SGSM2: variants seen among roughly 807,000 people sequenced by gnomAD.
The protein encoded by SGSM2 is RUN and TBC1 domain containing 1.
In SGSM2, 89 loss-of-function variants were observed where a neutral mutation model predicts 126.6. That is an observed-to-expected ratio of 0.70 (90% CI 0.59 to 0.84). The LOEUF (loss-of-function observed/expected upper bound fraction) is 0.84, where lower values mean the gene tolerates loss of function less well. SGSM2 is among the 40% of genes least tolerant of loss of function. SGSM2 has a pLI of 0.00. For synonymous variants in SGSM2, 614 were observed against 574.3 expected (o/e 1.07, Z -0.99); for missense variants, 1,404 against 1,416.6 (o/e 0.99, Z 0.14).
In SGSM2 at chr17:2,376,736, C is replaced by T. The variant is rs140563173; in HGVS notation, c.2613C>T (p.Tyr871=). The T allele has an allele frequency of 3.5e-4, 568 of 1,613,986 alleles. 1 individual carries two copies. In the Middle Eastern group the frequency reaches 4.1e-3, roughly 12 times the overall value. ...TGACTCTCCCCCTGCCTTTCAGCTACGTGTGGGAGCACCTGGACGTGGGCT... is the reference window on the plus strand; with the variant it reads ...TGACTCTCCCCCTGCCTTTCAGCTATGTGTGGGAGCACCTGGACGTGGGCT... ...LERLRDVMCS[Y]VWEHLDVGYV... Residue 871 remains tyrosine (Y), a synonymous_variant, in exon 20 of 24, where the codon TAC becomes TAT. Coordinates refer to ENST00000268989, the MANE Select transcript of SGSM2 (RefSeq NM_014853.3).
intron 2 of SGSM2, among the ~76,000 whole-genome samples, chr17:2,344,921 G>A (rs1218942846): frequency 2.6e-5 from 4 of 152,176 alleles, no homozygotes; most frequent in African/African-American, 2.4e-5. Context: ...ATGTTCATTC[G>A]TTCGTAGCAT....
intron 12 of SGSM2, among the ~76,000 whole-genome samples, chr17:2,370,158 C>T (rs1429149391): frequency 6.6e-6 from 1 of 152,204 alleles, no homozygotes; most frequent in Non-Finnish European, 1.5e-5. Flanking sequence ...GCCGAGCAAA[C>T]TGCTGCTGAC....
chr17:2,373,510 C>A lies in SGSM2; in HGVS notation c.2097C>A (p.Asn699Lys). 1 of 1,600,888 alleles carries A rather than the reference C, an allele frequency of 6.2e-7. No individual in the cohort carries two copies. The highest frequency in any genetic ancestry group is 8.5e-7 in the Non-Finnish European group (1 of 1,177,722). The stretch of plus-strand genomic sequence containing the variant: ...TCCACCGAGACTCCACCATCAGCAA[C>A]GATGTGAGCCAGACGGGACCTGGAG... Reference protein sequence around the residue: ...RLIHRDSTISNDVFISVDDLE... With the variant: ...RLIHRDSTISKDVFISVDDLE... The change falls in exon 17 of 24, where the codon AAC becomes AAA. Residue 699 changes from asparagine (N) to lysine (K), a missense_variant. Coordinates refer to ENST00000268989, the MANE Select transcript of SGSM2 (RefSeq NM_014853.3).
intron 17 of SGSM2, 158 bp downstream of exon 17, chr17:2,373,671 A>G (rs2065992425): frequency 1.6e-6 from 1 of 642,086 alleles, no homozygotes; most frequent in Non-Finnish European, 2.7e-6. Context: ...GGAAATGGCT[A>G]ACTGTGCCTC....
At chr17:2,350,022 C>T (rs147823808) in intron 2 of SGSM2, among the ~76,000 whole-genome samples, 2,610 of 151,990 alleles carry the variant, frequency 0.017, 89 homozygotes, top group African/African-American at 0.059. Context: ...CTCCTGACCT[C>T]GTGATCCGCC....
intron 13 of SGSM2, 83 bp downstream of exon 13, chr17:2,371,498 C>T (rs112104570): frequency 2.7e-6 from 4 of 1,472,332 alleles, no homozygotes; most frequent in Non-Finnish European, 2.7e-6. Flanking sequence ...GGCCGTGTCA[C>T]CTGCACGACA....
chr17:2,376,280 C>G lies in SGSM2; in HGVS notation c.2609+19C>G, dbSNP rs752470494. 1.2e-6 allele frequency: 2 copies of G among 1,612,814 alleles called. No individual in the cohort carries two copies. The highest frequency in any genetic ancestry group is 8.5e-7 in the Non-Finnish European group (1 of 1,179,742). ...TGTGCAGGTGCCTTGTGGGGCGGGG[C>G]TCAGGGTGGGAGGCGGGACCCTGCC... On this transcript the variant is annotated intron_variant, in intron 19 of 23. Coordinates refer to ENST00000268989, the MANE Select transcript of SGSM2 (RefSeq NM_014853.3).
chr17:2,373,107 C>T (rs1459397905), intron 16 of SGSM2, 26 bp downstream of exon 16: 2 of 1,608,074 alleles, frequency 1.2e-6, no homozygotes, highest in Non-Finnish European at 1.7e-6. Context: ...TCCCATGGGG[C>T]TGATGAGATG....
chr17:2,364,366 G>A, intron 8 of SGSM2, 183 bp downstream of exon 8: 2 of 889,964 alleles, frequency 2.2e-6, no homozygotes, highest in Non-Finnish European at 3.4e-6. Flanking sequence ...GCCAAGCCTG[G>A]CCGTGAAGAG....
rs1428040232 is a variant in SGSM2, at chr17:2,376,816, G to A, written c.2692+1G>A. The A allele has an allele frequency of 4.3e-6, 7 of 1,614,024 alleles. No individual in the cohort carries two copies. The highest frequency in any genetic ancestry group is 1.1e-5 in the South Asian group (1 of 91,090). On this transcript the variant is annotated splice_donor_variant, in intron 20 of 23. Transcript: ENST00000268989. LOFTEE classifies it high-confidence loss of function. ...CCTCTCCTGGTCACCCTCGACAATG[G>A]TGAGGGATGGCGGGACATGGGACTG...
chr17:2,375,740 G>A lies in SGSM2; in HGVS notation c.2349G>A (p.Gly783=). The stretch of plus-strand genomic sequence containing the variant: ...GCTTCGAAGAGGAGGACGGCGGTGG[G>A]GAGGAAGGCTCCAGTGGGCCCGGCC... ...SVGFEEEDGG[G]EEGSSGPGPA... The change falls in exon 18 of 24, where the codon GGG becomes GGA. Residue 783 remains glycine, a synonymous_variant. Coordinates refer to ENST00000268989, the MANE Select transcript of SGSM2 (RefSeq NM_014853.3). The A allele has an allele frequency of 2.5e-6, 4 of 1,607,664 alleles. No individual in the cohort carries two copies. Among genetic ancestry groups the A allele is most frequent in the East Asian group, 4.5e-5 (2 of 44,726 alleles).
intron 2 of SGSM2, among the ~76,000 whole-genome samples, chr17:2,357,276 C>A (rs557413103): frequency 6.6e-6 from 1 of 152,188 alleles, no homozygotes; most frequent in Admixed American, 6.5e-5. Context: ...TTGAGCCTTG[C>A]TGTCAGCAGG....
At chr17:2,340,720 G>C (rs1210805951) in intron 1 of SGSM2, among the ~76,000 whole-genome samples, 3 of 151,960 alleles carry the variant, frequency 2.0e-5, no homozygotes, top group Non-Finnish European at 1.5e-5. Flanking sequence ...GAGTAGCTGG[G>C]ACTACAGGCG....
chr17:2,376,796 C>T lies in SGSM2; in HGVS notation c.2673C>T (p.Leu891=). 6.2e-7 allele frequency: 1 copy of T among 1,614,122 alleles called. No homozygotes were observed. Among genetic ancestry groups the T allele is most frequent in the South Asian group, 1.1e-5 (1 of 91,090 alleles). ...GCATGTGCGATCTGCTGGCGCCTCT[C>T]CTGGTCACCCTCGACAATGGTGAGG... ...VQGMCDLLAP[L]LVTLDNDQLA... Residue 891 remains leucine (L), a synonymous_variant, in exon 20 of 24, where the codon CTC becomes CTT. Coordinates refer to ENST00000268989, the MANE Select transcript of SGSM2 (RefSeq NM_014853.3).
chr17:2,373,134 G>C, intron 16 of SGSM2, 53 bp downstream of exon 16: 10 of 1,602,640 alleles, frequency 6.2e-6, no homozygotes, highest in Non-Finnish European at 7.7e-6. Flanking sequence ...TGGGCCAGGG[G>C]ACGCCAGGGA....
chr17:2,364,773 A>G (rs1299677742), intron 9 of SGSM2, 110 bp downstream of exon 9: 1 of 1,553,012 alleles, frequency 6.4e-7, no homozygotes, highest in Middle Eastern at 1.8e-4. Context: ...CATCCTTGTT[A>G]ATGGGGCTCC....
rs747094398 is a variant in SGSM2 at position 2,364,047 on chromosome 17, C to T, written c.808-12C>T. 15 of 1,613,900 alleles carry T rather than the reference C, an allele frequency of 9.3e-6. No individual in the cohort carries two copies. The highest frequency in any genetic ancestry group is 1.7e-5 in the Admixed American group (1 of 60,000). On this transcript the variant is annotated splice_polypyrimidine_tract_variant and intron_variant, in intron 7 of 23. Transcript: ENST00000268989. ...CCCTTCATCGTCGGTCTTCCGGTGT[C>T]TCCCGCTGTAGAAGGAGGATATGGA...
chr17:2,344,644 A>G (rs974988273), intron 2 of SGSM2, among the ~76,000 whole-genome samples: 6 of 152,226 alleles, frequency 3.9e-5, no homozygotes, highest in African/African-American at 1.4e-4. Flanking sequence ...GGAGACAGAC[A>G]GGAAACAAAT....
At chr17:2,376,635 C>A in intron 19 of SGSM2, 98 bp from the exon 20 acceptor site, 1 of 1,332,672 alleles carries the variant, frequency 7.5e-7, no homozygotes, top group Non-Finnish European at 1.1e-6. Context: ...GAAAGGCTGA[C>A]TTCTGGGCGG....
Sources: allele counts gnomAD v4.1 joint callset (sites outside exome capture counted in the v4.1 genomes callset), GRCh38; gene constraint gnomAD v4.1.1; transcripts MANE v1.5; gene names NCBI Gene and HGNC (gene_info 2026-07-23, HGNC 2026-07-21).